Variants in PHLDB2 observed in about 807,000 individuals in gnomAD.
The protein encoded by PHLDB2 is pleckstrin homology like domain family B member 2, also known as pleckstrin homology-like domain family B member 2.
In PHLDB2, 71 loss-of-function variants were observed where a neutral mutation model predicts 123.6. The observed-to-expected ratio is 0.57, with a 90% confidence interval of 0.47 to 0.70. PHLDB2 has a LOEUF of 0.70. PHLDB2 is among the 30% of genes least tolerant of loss of function. The probability of loss-of-function intolerance (pLI) is 0.00; values close to 1 mark genes in which losing one functional copy is unlikely to be tolerated. For synonymous variants in PHLDB2, 547 were observed against 541.6 expected (o/e 1.01, Z -0.14); for missense variants, 1,446 against 1,519.5 (o/e 0.95, Z 0.80).
chr3:111,859,226 T>G, upstream of PHLDB2: 1 of 985,352 alleles, frequency 1.0e-6, no homozygotes, highest in Non-Finnish European at 1.2e-6. Context: ...CTCCCGCCCT[T>G]CTTTCAGCTC....
chr3:111,754,049 G>A (rs937652000), intron 1 of PHLDB2, among the ~76,000 whole-genome samples: 5 of 152,108 alleles, frequency 3.3e-5, no homozygotes, highest in South Asian at 4.2e-4. Flanking sequence ...TTTGGTTACT[G>A]TAGCCTTGTA....
In PHLDB2 at chr3:111,923,635, T is replaced by TTCCACCC. The variant is rs567549781; in HGVS notation, c.2001+3228_2001+3234dup. 6.6e-5 allele frequency among the ~76,000 whole-genome samples: 10 copies of TTCCACCC among 152,290 alleles called. No homozygotes were observed. In the South Asian group the frequency reaches 2.1e-3, roughly 32 times the overall value. On this transcript the variant is annotated intron_variant, in intron 5 of 17. Transcript: ENST00000431670. Reference sequence around the variant, plus strand: ...TCTTGATCTTATCTTTTCCCTTGCCTTCCACCCTCCACCCTCCATCCTCTA... The same window carrying TTCCACCC: ...TCTTGATCTTATCTTTTCCCTTGCCTTCCACCCTCCACCCTCCACCCTCCATCCTCTA...
intron 2 of PHLDB2, among the ~76,000 whole-genome samples, chr3:111,846,839 C>G (rs1028908943): frequency 6.6e-6 from 1 of 152,082 alleles, no homozygotes; most frequent in Non-Finnish European, 1.5e-5. Context: ...GAGTGTTTAT[C>G]TCGAGCAGAC....
chr3:111,892,823 G>A (rs1311679283), intron 2 of PHLDB2, among the ~76,000 whole-genome samples: 1 of 152,108 alleles, frequency 6.6e-6, no homozygotes, highest in Admixed American at 6.6e-5. Context: ...CTAAAATTAA[G>A]TAAAAGACTA....
chr3:111,897,112 A>G (rs1559891850), intron 2 of PHLDB2, among the ~76,000 whole-genome samples: 2 of 152,076 alleles, frequency 1.3e-5, no homozygotes, highest in Admixed American at 6.5e-5. Flanking sequence ...CTTCTCCTTA[A>G]CCCCCATAAC....
intron 1 of PHLDB2, among the ~76,000 whole-genome samples, chr3:111,757,931 C>A (rs1192674119): frequency 6.6e-6 from 1 of 152,160 alleles, no homozygotes; most frequent in Non-Finnish European, 1.5e-5. Context: ...TCGTGAACCG[C>A]GAATGCTGCT....
chr3:111,774,234 C>T (rs151148796), intron 1 of PHLDB2, among the ~76,000 whole-genome samples: 2 of 152,304 alleles, frequency 1.3e-5, no homozygotes, highest in Non-Finnish European at 2.9e-5. Context: ...TCAAGTAAGG[C>T]TGTGAGAGGT....
chr3:111,900,002 T>G (rs1345463396), intron 2 of PHLDB2, among the ~76,000 whole-genome samples: 3 of 152,246 alleles, frequency 2.0e-5, no homozygotes, highest in Non-Finnish European at 4.4e-5. Context: ...TGTTTCACTT[T>G]GCACTTTTAT....
At chr3:111,761,394 C>G (rs2059991949) in intron 1 of PHLDB2, among the ~76,000 whole-genome samples, 1 of 152,074 alleles carries the variant, frequency 6.6e-6, no homozygotes, top group Non-Finnish European at 1.5e-5. Context: ...GTATAAAGCT[C>G]AAAGTCTCCT....
At chr3:111,769,166 A>G (rs950876256) in intron 1 of PHLDB2, among the ~76,000 whole-genome samples, 1 of 152,208 alleles carries the variant, frequency 6.6e-6, no homozygotes, top group African/African-American at 2.4e-5. Flanking sequence ...TGTGTTTAAT[A>G]TATAAGTAAC....
intron 1 of PHLDB2, among the ~76,000 whole-genome samples, chr3:111,832,386 AAAAC>A (rs2063088058): frequency 6.6e-6 from 1 of 151,620 alleles, no homozygotes; most frequent in Non-Finnish European, 1.5e-5. Flanking sequence ...AAAAAAACAA[AAAAC>A]AAAAAAACAA....
At chr3:111,830,090 T>C (rs1322459363) in intron 1 of PHLDB2, among the ~76,000 whole-genome samples, 2 of 152,108 alleles carry the variant, frequency 1.3e-5, no homozygotes, top group Non-Finnish European at 2.9e-5. Flanking sequence ...TCACCAACTA[T>C]AGTAAATGAT....
intron 1 of PHLDB2, among the ~76,000 whole-genome samples, chr3:111,786,577 A>G (rs943938907): frequency 6.6e-6 from 1 of 152,156 alleles, no homozygotes; most frequent in African/African-American, 2.4e-5. Flanking sequence ...GTTACTTTCA[A>G]AAATTTAAGT....
chr3:111,763,423 T>C (rs1018465592), intron 1 of PHLDB2, among the ~76,000 whole-genome samples: 1 of 152,216 alleles, frequency 6.6e-6, no homozygotes, highest in Admixed American at 6.5e-5. Context: ...TTTAGTTCGC[T>C]CATCTGTAAG....
In PHLDB2 at chr3:111,737,600, T is replaced by G. The variant is rs148853278; in HGVS notation, c.-49+4897T>G. The stretch of plus-strand genomic sequence containing the variant: ...AAAGTAAAATGAAAATGAGATTGTT[T>G]TCACATAAGACCTCTGTATTTGGAG... On this transcript the variant is annotated intron_variant, in intron 1 of 17. Coordinates refer to the PHLDB2 transcript ENST00000393923. 1.8e-4 allele frequency among the ~76,000 whole-genome samples: 27 copies of G among 152,298 alleles called. 1 individual carries two copies. The highest frequency in any genetic ancestry group is 6.3e-4 in the African/African-American group (26 of 41,572).
intron 3 of PHLDB2, 23 bp from the exon 4 acceptor site, chr3:111,919,049 A>G (rs762362403): frequency 2.5e-6 from 4 of 1,611,726 alleles, no homozygotes; most frequent in Non-Finnish European, 3.4e-6. Flanking sequence ...TGAATAATCC[A>G]TTTCTGTGTT....
chr3:111,881,474 A>C (rs2065923121), intron 1 of PHLDB2, among the ~76,000 whole-genome samples: 1 of 152,216 alleles, frequency 6.6e-6, no homozygotes, highest in Admixed American at 6.5e-5. Context: ...GCTCATGCAG[A>C]GGTGATTAGC....
At chr3:111,835,924 A>G (rs1041378721) in intron 1 of PHLDB2, among the ~76,000 whole-genome samples, 1 of 152,148 alleles carries the variant, frequency 6.6e-6, no homozygotes, top group African/African-American at 2.4e-5. Context: ...GCATAGCATC[A>G]CTTCCACTAG....
At chr3:111,873,453 A>G (rs961079951) in intron 1 of PHLDB2, among the ~76,000 whole-genome samples, 2 of 152,218 alleles carry the variant, frequency 1.3e-5, no homozygotes, top group African/African-American at 4.8e-5. Context: ...AGGTTCGAGT[A>G]TATTAATGTA....
Sources: allele counts gnomAD v4.1 joint callset (sites outside exome capture counted in the v4.1 genomes callset), GRCh38; gene constraint gnomAD v4.1.1; transcripts MANE v1.5; gene names NCBI Gene and HGNC (gene_info 2026-07-23, HGNC 2026-07-21).